Variants in ZNF268 observed in about 807,000 individuals in gnomAD.
ZNF268 encodes the protein zinc finger protein 268, also known as zinc finger protein 3.
In ZNF268, 20 loss-of-function variants were observed where a neutral mutation model predicts 29.3. That is an observed-to-expected ratio of 0.68 (90% confidence interval 0.48 to 0.99). The LOEUF is 0.99. Ranked by LOEUF, ZNF268 falls within the 50% of genes least tolerant of loss-of-function variation. The pLI is 0.00. For missense variants in ZNF268, 1,240 were observed against 1,121.6 expected, an observed-to-expected ratio of 1.11 and a Z score of -1.51; for synonymous variants, 429 against 376.9, an observed-to-expected ratio of 1.14 and a Z score of -1.60.
chr12:133,181,870 TG>T, intron 1 of ZNF268, 75 bp from the exon 2 acceptor site: 1 of 948,932 alleles, frequency 1.1e-6, no homozygotes, highest in Non-Finnish European at 1.6e-6. Context: ...CAGGCAGCCC[TG>T]GTGCCTCGGA....
At chr12:133,200,062 T>C (rs561874882) in intron 5 of ZNF268, among the ~76,000 whole-genome samples, 6 of 152,340 alleles carry the variant, frequency 3.9e-5, no homozygotes, top group African/African-American at 1.4e-4. Context: ...TTTCTTGCCT[T>C]CTTCTAGCTT....
intron 4 of ZNF268, 26 bp downstream of exon 4, chr12:133,191,641 G>A (rs1384589243): frequency 6.2e-7 from 1 of 1,611,208 alleles, no homozygotes; most frequent in Non-Finnish European, 8.5e-7. Flanking sequence ...CTGAGGAGGA[G>A]TGTGCTCGAT....
At chr12:133,193,619 A>C in intron 5 of ZNF268, 1 of 514,152 alleles carries the variant, frequency 1.9e-6, no homozygotes, top group South Asian at 2.8e-5. Context: ...TAATCCATTC[A>C]TGAGGGCACA....
Position 133,212,566 on chromosome 12 carries a change from CAT to C in ZNF268, c.*8044_*8045del, listed in dbSNP as rs1025146566. On this transcript the variant is annotated 3_prime_UTR_variant, in exon 6 of 6. Coordinates refer to ENST00000536435, the MANE Select transcript of ZNF268 (RefSeq NM_003415.3). ...ATACACATATACACATATATATACA[CAT>C]ATATATAATAAGAACATTTACCATT... is the stretch of plus-strand genomic sequence containing the variant. 1.3e-5 allele frequency: 2 copies of C among 149,256 alleles called. No homozygotes were observed. The highest frequency in any genetic ancestry group is 3.0e-5 in the Non-Finnish European group (2 of 67,412). 9.2% of individuals were successfully genotyped at this position (149,256 alleles called of 1,614,324 possible).
Position 133,203,275 on chromosome 12 carries a change from G to C in ZNF268, c.1589G>C (p.Cys530Ser). 1.3e-6 allele frequency: 2 copies of C among 1,539,006 alleles called. No homozygotes were observed. The highest frequency in any genetic ancestry group is 1.7e-6 in the Non-Finnish European group (2 of 1,147,152). ...RTHTGEKLHE[C>S]NNCGKAFSFK... is the part of the protein sequence containing the mutation. ...CATACAGGAGAAAAACTCCATGAAT[G>C]CAACAATTGTGGGAAAGCCTTCAGT... Residue 530 changes from cysteine (C) to serine (S), a missense_variant, in exon 6 of 6, where the codon TGC (cysteine) becomes TCC (serine). By Grantham distance (112) the Cys-to-Ser change is moderately radical. Transcript: ENST00000536435.
chr12:133,213,351 C>G lies in ZNF268; in HGVS notation c.*8821C>G, dbSNP rs924817618. On this transcript the variant is annotated 3_prime_UTR_variant, in exon 6 of 6. Coordinates refer to ENST00000536435, the MANE Select transcript of ZNF268 (RefSeq NM_003415.3). The stretch of plus-strand genomic sequence containing the variant: ...AAAAAATAGGTAAATTGGACTTCAC[C>G]AAAATTGAAAACTTTCGGCATCAGT... 2 of 151,942 alleles carry G rather than the reference C, an allele frequency of 1.3e-5. No individual in the cohort carries two copies. The highest frequency in any genetic ancestry group is 4.8e-5 in the African/African-American group (2 of 41,356). 9.4% of individuals were successfully genotyped at this position (151,942 alleles called of 1,614,324 possible).
chr12:133,204,777 AC>A lies in ZNF268; in HGVS notation c.*249del. On this transcript the variant is annotated 3_prime_UTR_variant, in exon 6 of 6. Transcript: ENST00000536435. ...CTGAAAATTTTTAGCAGCAAGTCAT[AC>A]CTTTTTTTAAAAAGTTCATACAGGT... 2.5e-6 allele frequency: 1 copy of A among 394,502 alleles called. No individual in the cohort carries two copies. The highest frequency in any genetic ancestry group is 4.5e-6 in the Non-Finnish European group (1 of 221,622). The allele number at this position is 394,502 out of a possible 1,614,324, so 24.4% of individuals were successfully genotyped here.
chr12:133,192,172 A>T (rs1320245262), intron 5 of ZNF268, among the ~76,000 whole-genome samples, 169 bp downstream of exon 5: 1 of 143,802 alleles, frequency 7.0e-6, no homozygotes, highest in Non-Finnish European at 1.5e-5. Flanking sequence ...CAGTGGCGTG[A>T]TCTCGGCTCG....
Position 133,210,687 on chromosome 12 carries a change from CTG to C in ZNF268, c.*6160_*6161del. On this transcript the variant is annotated 3_prime_UTR_variant, in exon 6 of 6. Coordinates refer to ENST00000536435, the MANE Select transcript of ZNF268 (RefSeq NM_003415.3). ...GAGTAGAAGCAAGGTCTGTTTGTCA[CTG>C]TGGATTCCCCCCTGCCAAGGGTCCC... The C allele has an allele frequency of 5.3e-6, 2 of 375,890 alleles. No individual in the cohort carries two copies. Among genetic ancestry groups the C allele is most frequent in the Non-Finnish European group, 1.1e-5 (2 of 187,056 alleles). The allele number at this position is 375,890 out of a possible 1,614,324, so 23.3% of individuals were successfully genotyped here.
rs1204946250 is a variant in ZNF268, at chr12:133,214,503, C to G, written c.*9973C>G. The G allele has an allele frequency of 6.6e-6, 1 of 152,156 alleles. No homozygotes were observed. Among genetic ancestry groups the G allele is most frequent in the Non-Finnish European group, 1.5e-5 (1 of 68,052 alleles). The allele number at this position is 152,156 out of a possible 1,614,324, so 9.4% of individuals were successfully genotyped here. On this transcript the variant is annotated 3_prime_UTR_variant, in exon 6 of 6. Coordinates refer to ENST00000536435, the MANE Select transcript of ZNF268 (RefSeq NM_003415.3). ...TGGGCAGCATAGCAAGACTCCATGT[C>G]TACAAAGATAAAAATAAAAGCAATG...
In ZNF268 at chr12:133,202,425, A is replaced by G; in HGVS notation, c.739A>G (p.Lys247Glu). The G allele has an allele frequency of 6.2e-7, 1 of 1,610,662 alleles. No homozygotes were observed. The highest frequency in any genetic ancestry group is 1.1e-5 in the South Asian group (1 of 90,718). ...SKHEQTVIGI[K>E]YCESIESGKT... is the part of the protein sequence containing the mutation. The stretch of plus-strand genomic sequence containing the variant: ...ACATGAGCAAACTGTTATTGGAATA[A>G]AATACTGTGAAAGTATTGAATCTGG... Residue 247 changes from lysine to glutamate, a missense_variant, in exon 6 of 6, where the codon AAA becomes GAA. By Grantham distance (56) the Lys-to-Glu change is moderately conservative. Coordinates refer to ENST00000536435, the MANE Select transcript of ZNF268 (RefSeq NM_003415.3).
chr12:133,197,103 T>A (rs1365342515), intron 5 of ZNF268, among the ~76,000 whole-genome samples: 1 of 151,524 alleles, frequency 6.6e-6, no homozygotes, highest in Non-Finnish European at 1.5e-5. Flanking sequence ...TAGTTACATA[T>A]GTGTACATGT....
At chr12:133,184,183 G>A (rs7296971) in intron 2 of ZNF268, among the ~76,000 whole-genome samples, 1 of 151,304 alleles carries the variant, frequency 6.6e-6, no homozygotes, top group East Asian at 2.0e-4. Context: ...TTGGCTCACT[G>A]CAACCTCTGC....
chr12:133,198,949 G>A (rs1460469055), intron 5 of ZNF268, among the ~76,000 whole-genome samples: 110 of 138,960 alleles, frequency 7.9e-4, no homozygotes, highest in South Asian at 9.5e-4. Context: ...AGACAGTGGG[G>A]TTTTCTAGAT....
Position 133,204,543 on chromosome 12 carries a change from ACT to A in ZNF268, c.*16_*17del, listed in dbSNP as rs757748276. 16 of 1,474,464 alleles carry A rather than the reference ACT, an allele frequency of 1.1e-5. No homozygotes were observed. The highest frequency in any genetic ancestry group is 9.4e-5 in the South Asian group (7 of 74,172). 91.3% of individuals were successfully genotyped at this position (1,474,464 alleles called of 1,614,324 possible). A position where few individuals can be genotyped will look rare whatever the true frequency, so the allele number is the denominator to read the frequency against. ...TGACAAACATTGATAATTTTACGAA[ACT>A]CTGAAAAGTGGATTCACAAGAGATA... On this transcript the variant is annotated 3_prime_UTR_variant, in exon 6 of 6. Transcript: ENST00000536435.
At position 133,212,577 on chromosome 12, in the gene ZNF268, TAAG is replaced by T. The variant is rs1168646913; in HGVS notation, c.*8050_*8052del. 3 of 149,686 alleles carry T rather than the reference TAAG, an allele frequency of 2.0e-5. No individual in the cohort carries two copies. Among genetic ancestry groups the T allele is most frequent in the East Asian group, 1.9e-4 (1 of 5,150 alleles). 9.3% of individuals were successfully genotyped at this position (149,686 alleles called of 1,614,324 possible). A position where few individuals can be genotyped will look rare whatever the true frequency, so the allele number is the denominator to read the frequency against. ...CACATATATATACACATATATATAA[TAAG>T]AACATTTACCATTTTAACTATTTTT... On this transcript the variant is annotated 3_prime_UTR_variant, in exon 6 of 6. Transcript: ENST00000536435.
At chr12:133,181,904 A>G (rs1229443523) in intron 1 of ZNF268, 42 bp from the exon 2 acceptor site, 3 of 1,394,222 alleles carry the variant, frequency 2.2e-6, no homozygotes, top group Non-Finnish European at 3.0e-6. Flanking sequence ...GGGTTTGGGG[A>G]CTGCTGGGTG....
chr12:133,197,799 C>T (rs1485430838), intron 5 of ZNF268, among the ~76,000 whole-genome samples: 2 of 152,112 alleles, frequency 1.3e-5, no homozygotes, highest in African/African-American at 4.8e-5. Flanking sequence ...TGATGATGAG[C>T]ATTTTTTCAT....
intron 5 of ZNF268, among the ~76,000 whole-genome samples, chr12:133,197,310 A>C (rs1170351829): frequency 6.7e-6 from 1 of 149,236 alleles, no homozygotes; most frequent in Non-Finnish European, 1.5e-5. Flanking sequence ...TTCTTGCGAT[A>C]GTTTACTGAG....
Sources: allele counts gnomAD v4.1 joint callset (sites outside exome capture counted in the v4.1 genomes callset), GRCh38; gene constraint gnomAD v4.1.1; transcripts MANE v1.5; gene names NCBI Gene and HGNC (gene_info 2026-07-23, HGNC 2026-07-21).